The following HEATR6 variants were observed in gnomAD, a reference collection of about 807,000 sequenced individuals.
The protein encoded by HEATR6 is HEAT repeat containing 6, also known as HEAT repeat-containing protein 6.
In HEATR6, 106 loss-of-function variants were observed where a neutral mutation model predicts 132.8. The observed-to-expected ratio is 0.80, with a 90% CI of 0.68 to 0.94. The LOEUF (loss-of-function observed/expected upper bound fraction) is 0.94, where lower values mean the gene tolerates loss of function less well. Among genes scored for constraint, HEATR6 ranks in the 40% least tolerant of loss-of-function variants. The probability of loss-of-function intolerance (pLI) is 0.00; values close to 1 mark genes in which losing one functional copy is unlikely to be tolerated. For missense variants in HEATR6, 1,339 were observed against 1,425.1 expected (o/e 0.94, Z 0.97); for synonymous variants, 529 against 537.8 (o/e 0.98, Z 0.23).
Position 60,059,886 on chromosome 17 carries a change from T to C in HEATR6, c.1623+4A>G. On this transcript the variant is annotated splice_donor_region_variant and intron_variant, in intron 10 of 19. Transcript: ENST00000184956. The stretch of plus-strand genomic sequence containing the variant: ...TGCTCTGGAACCCACAGTTGGTACA[T>C]TACCTTAATTATCTGAGTAACGGTC... 2 of 1,611,346 alleles carry C rather than the reference T, an allele frequency of 1.2e-6. No individual in the cohort carries two copies. Among genetic ancestry groups the C allele is most frequent in the Non-Finnish European group, 1.7e-6 (2 of 1,177,726 alleles).
chr17:60,061,907 A>G (rs1226804493), intron 9 of HEATR6, among the ~76,000 whole-genome samples: 2 of 152,286 alleles, frequency 1.3e-5, no homozygotes, highest in Non-Finnish European at 2.9e-5. Flanking sequence ...CACAAACTGA[A>G]TGAAATTAAA....
rs1440634912 is a variant in HEATR6 at position 60,057,268 on chromosome 17, T to C, written c.1859A>G (p.His620Arg). 6.2e-7 allele frequency: 1 copy of C among 1,613,822 alleles called. No individual in the cohort carries two copies. The change falls in exon 12 of 20, where the codon CAC becomes CGC. Residue 620 changes from histidine to arginine, a missense_variant. Transcript: ENST00000184956. ...CTTCCACCAATCAGGAGGGCTGAGGTGAGGGGTTGCTGAATTGCTATTACC... is the reference window on the plus strand; with the variant it reads ...CTTCCACCAATCAGGAGGGCTGAGGCGAGGGGTTGCTGAATTGCTATTACC... The part of the protein sequence containing the change: ...GLGNSNSATP[H>R]LSPPDWWKKA...
In HEATR6 at chr17:60,043,779, T is replaced by A. The variant is rs1270417998; in HGVS notation, c.3330A>T (p.Leu1110Phe). 1.2e-6 allele frequency: 2 copies of A among 1,614,196 alleles called. No homozygotes were observed. Among genetic ancestry groups the A allele is most frequent in the Non-Finnish European group, 1.7e-6 (2 of 1,180,030 alleles). The change falls in exon 20 of 20, where the codon TTA (leucine) becomes TTT (phenylalanine). Residue 1110 changes from leucine to phenylalanine, a missense_variant. Physicochemically the swap from Leu to Phe is conservative, Grantham distance 22. Coordinates refer to ENST00000184956, the MANE Select transcript of HEATR6 (RefSeq NM_022070.5). ...TGTCATCTCCCTCTGCTCCTGATTT[T>A]AAAAACTGTAGAATATAGGACTGGA... ...NMVQSYILQF[L>F]KSGAEGDDTG...
chr17:60,050,867 C>T lies in HEATR6; in HGVS notation c.2400G>A (p.Leu800=). The change falls in exon 15 of 20, where the codon TTG becomes TTA. Residue 800 remains leucine, a synonymous_variant. Coordinates refer to ENST00000184956, the MANE Select transcript of HEATR6 (RefSeq NM_022070.5). The part of the protein sequence containing the change: ...ASACDALSSI[L]PEAFSNLPND... ...CCGGCAGATTGCTGAAGGCCTCTGG[C>T]AAGATGGAAGACAGGGCATCACAGG... 6.2e-7 allele frequency: 1 copy of T among 1,614,206 alleles called. No homozygotes were observed.
At chr17:60,048,514 T>C (rs1906447981) in intron 16 of HEATR6, 126 bp from the exon 17 acceptor site, 16 of 895,778 alleles carry the variant, frequency 1.8e-5, no homozygotes, top group Non-Finnish European at 2.5e-5. Context: ...TAAAAATTCA[T>C]CTACTCAATC....
At position 60,057,337 on chromosome 17, in the gene HEATR6, G is replaced by C; in HGVS notation, c.1790C>G (p.Pro597Arg). ...GAIVSTHAPL[P>R]EVQLLLQQPC... ...CTGTTGCAGAAGTAGTTGGACTTCA[G>C]GTAAAGGTGCGTGGGTGGACACTAT... Residue 597 changes from proline to arginine, a missense_variant, in exon 12 of 20, where the codon CCT becomes CGT. By Grantham distance (103) the Pro-to-Arg change is moderately radical. Coordinates refer to ENST00000184956, the MANE Select transcript of HEATR6 (RefSeq NM_022070.5). The C allele has an allele frequency of 6.2e-7, 1 of 1,614,102 alleles. No individual in the cohort carries two copies. The highest frequency in any genetic ancestry group is 1.3e-5 in the African/African-American group (1 of 75,050).
Position 60,067,320 on chromosome 17 carries a change from TG to T in HEATR6, c.1238+113del, listed in dbSNP as rs2083247009. 14 of 595,512 alleles carry T rather than the reference TG, an allele frequency of 2.4e-5. No individual in the cohort carries two copies. The South Asian group carries it at 3.9e-4, about 17-fold the overall frequency. The allele number at this position is 595,512 out of a possible 1,614,324, so 36.9% of individuals were successfully genotyped here. A position where few individuals can be genotyped will look rare whatever the true frequency, so the allele number is the denominator to read the frequency against. ...ACAAGTCATGTTCTGAATAACACCA[TG>T]CCCCCCAGAAATCAGGCTCTTCAAG... is the stretch of plus-strand genomic sequence containing the variant. On this transcript the variant is annotated intron_variant, in intron 8 of 19. Transcript: ENST00000184956.
intron 1 of HEATR6, among the ~76,000 whole-genome samples, chr17:60,077,089 C>T (rs2083300971): frequency 6.6e-6 from 1 of 152,118 alleles, no homozygotes; most frequent in Non-Finnish European, 1.5e-5. Context: ...AAACATGTTC[C>T]TGAACCTCAA....
intron 8 of HEATR6, 66 bp from the exon 9 acceptor site, chr17:60,066,452 A>G: frequency 8.8e-7 from 1 of 1,130,956 alleles, no homozygotes; most frequent in Non-Finnish European, 1.3e-6. Flanking sequence ...AAATGCAAAC[A>G]TGAAATGGTA....
intron 14 of HEATR6, among the ~76,000 whole-genome samples, chr17:60,054,784 T>G (rs1906690564): frequency 6.6e-6 from 1 of 152,240 alleles, no homozygotes; most frequent in Admixed American, 6.5e-5. Flanking sequence ...GCTGAGACTT[T>G]GAACTTTTGA....
intron 12 of HEATR6, 99 bp from the exon 13 acceptor site, chr17:60,056,336 A>G: frequency 3.6e-6 from 4 of 1,120,956 alleles, no homozygotes; most frequent in Non-Finnish European, 5.0e-6. Context: ...TACATTTAAC[A>G]GGGGCTGAAA....
Position 60,072,264 on chromosome 17 carries a change from A to G in HEATR6, c.650T>C (p.Ile217Thr). ...ATCAGATGATTTTGGAGACTGTAAA[A>G]TAGTCAGAAAAGCTTGGAAACAGAC... ...QNVCFQAFLTILQSPKSSDMD... is the reference protein window; with the variant it reads ...QNVCFQAFLTTLQSPKSSDMD... Residue 217 changes from isoleucine to threonine, a missense_variant, in exon 5 of 20, where the codon ATT (isoleucine) becomes ACT (threonine). Physicochemically the swap from Ile to Thr is moderately conservative, Grantham distance 89. Coordinates refer to ENST00000184956, the MANE Select transcript of HEATR6 (RefSeq NM_022070.5). The G allele has an allele frequency of 6.2e-7, 1 of 1,611,054 alleles. No homozygotes were observed. Among genetic ancestry groups the G allele is most frequent in the Non-Finnish European group, 8.5e-7 (1 of 1,178,048 alleles).
intron 14 of HEATR6, among the ~76,000 whole-genome samples, chr17:60,053,549 G>C (rs1598908232): frequency 6.6e-6 from 1 of 152,212 alleles, no homozygotes; most frequent in South Asian, 2.1e-4. Context: ...GGAAAGTTTG[G>C]AACTTCTTAG....
chr17:60,054,255 G>A (rs897398290), intron 14 of HEATR6, among the ~76,000 whole-genome samples: 9 of 152,264 alleles, frequency 5.9e-5, no homozygotes, highest in African/African-American at 2.2e-4. Flanking sequence ...TAAGCCTGCA[G>A]ATGCACAGAA....
chr17:60,046,355 G>A, intron 18 of HEATR6, 126 bp from the exon 19 acceptor site: 1 of 639,024 alleles, frequency 1.6e-6, no homozygotes, highest in Non-Finnish European at 2.7e-6. Flanking sequence ...GAACTCACAA[G>A]GTCTGCTCTG....
At chr17:60,062,450 A>C (rs2083217183) in intron 9 of HEATR6, among the ~76,000 whole-genome samples, 1 of 152,258 alleles carries the variant, frequency 6.6e-6, no homozygotes, top group African/African-American at 2.4e-5. Context: ...CTAATAAAAC[A>C]GAAAAGTACT....
intron 16 of HEATR6, 107 bp downstream of exon 16, chr17:60,049,473 G>A (rs1288838123): frequency 7.9e-7 from 1 of 1,272,486 alleles, no homozygotes. Context: ...AGATTACAAA[G>A]CAATTTAGTT....
At chr17:60,069,690 T>C in intron 7 of HEATR6, 21 bp downstream of exon 7, 2 of 1,610,176 alleles carry the variant, frequency 1.2e-6, no homozygotes, top group South Asian at 1.1e-5. Context: ...ACAACTTAAA[T>C]CTAAATAAAC....
At position 60,059,892 on chromosome 17, in the gene HEATR6, T is replaced by TC; in HGVS notation, c.1620_1621insG (p.Lys541GlufsTer13). 1 of 1,612,538 alleles carries TC rather than the reference T, an allele frequency of 6.2e-7. No individual in the cohort carries two copies. ...GGAACCCACAGTTGGTACATTACCT[T>TC]AATTATCTGAGTAACGGTCTGTGAG... is the stretch of plus-strand genomic sequence containing the variant. On this transcript the variant is annotated frameshift_variant, in exon 10 of 20. Transcript: ENST00000184956.
Sources: allele counts gnomAD v4.1 joint callset (sites outside exome capture counted in the v4.1 genomes callset), GRCh38; gene constraint gnomAD v4.1.1; transcripts MANE v1.5; gene names NCBI Gene and HGNC (gene_info 2026-07-23, HGNC 2026-07-21).